NIPAL2: variants seen among roughly 807,000 people sequenced by gnomAD.
NIPAL2 encodes the protein NIPA like domain containing 2.
NIPAL2 carries 43 observed loss-of-function variants against 48.9 expected under a neutral mutation model. That is an observed-to-expected ratio of 0.88 (90% CI 0.69 to 1.13). The LOEUF is 1.13. Ranked by LOEUF, NIPAL2 falls within the 50% of genes most tolerant of loss-of-function variation. The probability of loss-of-function intolerance (pLI) is 0.00; values close to 1 mark genes in which losing one functional copy is unlikely to be tolerated. For missense variants in NIPAL2, 446 were observed against 461.4 expected (o/e 0.97, Z 0.31); for synonymous variants, 167 against 174.6 (o/e 0.96, Z 0.34).
At chr8:98,293,943 G>A (rs1487967280) in intron 1 of NIPAL2, 60 bp downstream of exon 1, 4 of 1,350,990 alleles carry the variant, frequency 3.0e-6, no homozygotes, top group East Asian at 6.3e-5. Context: ...AGAGGCGCCC[G>A]GAGCCAGCCG....
chr8:98,263,570 C>G (rs2130858640), intron 1 of NIPAL2, among the ~76,000 whole-genome samples: 1 of 149,592 alleles, frequency 6.7e-6, no homozygotes, highest in East Asian at 2.0e-4. Context: ...TCTCCCAAGA[C>G]TAAACCAGGA....
intron 1 of NIPAL2, among the ~76,000 whole-genome samples, chr8:98,257,699 G>C (rs1460071112): frequency 6.6e-6 from 1 of 152,052 alleles, no homozygotes. Flanking sequence ...ACCTTTTTAG[G>C]TCTGATGAGA....
intron 1 of NIPAL2, among the ~76,000 whole-genome samples, chr8:98,278,474 T>C (rs1459815662): frequency 6.6e-6 from 1 of 152,182 alleles, no homozygotes; most frequent in Non-Finnish European, 1.5e-5. Flanking sequence ...ATCTCTTCTA[T>C]ATTTTCTAAC....
chr8:98,198,019 T>C (rs1398118809), intron 8 of NIPAL2, among the ~76,000 whole-genome samples: 1 of 152,228 alleles, frequency 6.6e-6, no homozygotes, highest in African/African-American at 2.4e-5. Context: ...CTAAGATCAA[T>C]CGGCAGAATC....
At chr8:98,290,678 T>C (rs1016171084) in intron 1 of NIPAL2, among the ~76,000 whole-genome samples, 12 of 152,242 alleles carry the variant, frequency 7.9e-5, no homozygotes, top group African/African-American at 2.7e-4. Flanking sequence ...TAAATGCCTA[T>C]GTTTTGAAAT....
At position 98,192,245 on chromosome 8, in the gene NIPAL2, T is replaced by A. The variant is rs955437699; in HGVS notation, c.*733A>T. On this transcript the variant is annotated 3_prime_UTR_variant, in exon 11 of 11. Transcript: ENST00000430223. ...TTCATGAATTTATGTGTCAGCCTTG[T>A]GCAGGGGCTGTGCTAATCTCTGCAT... The A allele has an allele frequency of 6.6e-6, 1 of 152,212 alleles. No homozygotes were observed. Among genetic ancestry groups the A allele is most frequent in the Non-Finnish European group, 1.5e-5 (1 of 68,042 alleles). 9.4% of individuals were successfully genotyped at this position (152,212 alleles called of 1,614,324 possible). A position where few individuals can be genotyped will look rare whatever the true frequency, so the allele number is the denominator to read the frequency against.
chr8:98,282,108 T>C (rs1288141746), intron 1 of NIPAL2, among the ~76,000 whole-genome samples: 3 of 152,186 alleles, frequency 2.0e-5, no homozygotes, highest in South Asian at 2.1e-4. Flanking sequence ...TTCAGCCTAC[T>C]CCAGGGATGG....
At chr8:98,251,471 C>T (rs1034607405) in intron 3 of NIPAL2, 4 of 152,096 alleles carry the variant, frequency 2.6e-5, no homozygotes, top group East Asian at 1.9e-4. Context: ...TGTGCCTCTT[C>T]GGAGTAGTAA....
intron 6 of NIPAL2, among the ~76,000 whole-genome samples, chr8:98,206,304 ATG>A (rs750016661): frequency 1.7e-4 from 26 of 150,758 alleles, no homozygotes; most frequent in African/African-American, 4.4e-4. Context: ...TATTTTATGT[ATG>A]TGTGTGTGTG....
At chr8:98,243,983 G>T (rs1001112662) in intron 3 of NIPAL2, among the ~76,000 whole-genome samples, 1 of 152,028 alleles carries the variant, frequency 6.6e-6, no homozygotes, top group Non-Finnish European at 1.5e-5. Flanking sequence ...AAATGATTTT[G>T]TTCACTTTGT....
intron 6 of NIPAL2, 46 bp from the exon 7 acceptor site, chr8:98,205,292 T>A: frequency 6.5e-7 from 1 of 1,533,560 alleles, no homozygotes; most frequent in South Asian, 1.2e-5. Flanking sequence ...TATTTCAGAT[T>A]GAATTAACAA....
At chr8:98,225,640 C>T (rs1586347214) in intron 4 of NIPAL2, among the ~76,000 whole-genome samples, 1 of 145,402 alleles carries the variant, frequency 6.9e-6, no homozygotes, top group Non-Finnish European at 1.5e-5. Flanking sequence ...TTATCCTTGA[C>T]CTTTGGGAAT....
Position 98,191,974 on chromosome 8 carries a change from C to T in NIPAL2, c.*1004G>A, listed in dbSNP as rs1197874766. 1 of 152,104 alleles carries T rather than the reference C, an allele frequency of 6.6e-6. No individual in the cohort carries two copies. Among genetic ancestry groups the T allele is most frequent in the Non-Finnish European group, 1.5e-5 (1 of 68,028 alleles). 9.4% of individuals were successfully genotyped at this position (152,104 alleles called of 1,614,324 possible). ...GAATTTACAAAGCTTGAGGTAATGA[C>T]TTTGGGAAGAAATGATGTGTAGTGA... On this transcript the variant is annotated 3_prime_UTR_variant, in exon 11 of 11. Transcript: ENST00000430223.
At chr8:98,239,996 TA>T (rs1234815289) in intron 3 of NIPAL2, among the ~76,000 whole-genome samples, 2 of 152,216 alleles carry the variant, frequency 1.3e-5, no homozygotes, top group African/African-American at 2.4e-5. Flanking sequence ...AACCATTGCC[TA>T]ATGAACACCT....
intron 5 of NIPAL2, among the ~76,000 whole-genome samples, chr8:98,215,279 C>T (rs1329044260): frequency 6.6e-6 from 1 of 152,154 alleles, no homozygotes; most frequent in African/African-American, 2.4e-5. Context: ...ACTATAGTTG[C>T]CCTGGTTCTG....
At chr8:98,236,550 G>A (rs1000330239) in intron 3 of NIPAL2, among the ~76,000 whole-genome samples, 3 of 152,098 alleles carry the variant, frequency 2.0e-5, no homozygotes, top group African/African-American at 7.2e-5. Flanking sequence ...AGAAAGACAG[G>A]AAGAGATAGG....
intron 1 of NIPAL2, among the ~76,000 whole-genome samples, chr8:98,276,853 A>G (rs1244980784): frequency 6.6e-6 from 1 of 151,148 alleles, no homozygotes; most frequent in Non-Finnish European, 1.5e-5. Flanking sequence ...GCTCACTGCA[A>G]CCTCCACCTC....
rs118143664 is a variant in NIPAL2, at chr8:98,247,736, A to C, written c.376+4727T>G. Among the ~76,000 whole-genome samples the C allele has an allele frequency of 6.2e-3, 940 of 152,342 alleles. 4 individuals carry two copies. Among genetic ancestry groups the C allele is most frequent in the Middle Eastern group, 0.02 (6 of 294 alleles). On this transcript the variant is annotated intron_variant, in intron 3 of 10. Coordinates refer to ENST00000430223, the MANE Select transcript of NIPAL2 (RefSeq NM_001321635.2). ...CCTGCGTAGGGTGTGAAGAGAGCAG[A>C]GAGTAAGTCTGTTTAATTACCTTAG... is the stretch of plus-strand genomic sequence containing the variant.
intron 1 of NIPAL2, among the ~76,000 whole-genome samples, chr8:98,290,689 T>G (rs1816443213): frequency 6.6e-6 from 1 of 152,228 alleles, no homozygotes; most frequent in African/African-American, 2.4e-5. Context: ...GTTTTGAAAT[T>G]TCACATGGAC....
Sources: allele counts gnomAD v4.1 joint callset (sites outside exome capture counted in the v4.1 genomes callset), GRCh38; gene constraint gnomAD v4.1.1; transcripts MANE v1.5; gene names NCBI Gene and HGNC (gene_info 2026-07-23, HGNC 2026-07-21).